DCDC1: variants seen among roughly 807,000 people sequenced by gnomAD.
DCDC1 encodes doublecortin domain-containing protein 1.
DCDC1 carries 200 observed loss-of-function variants against 178.3 expected under a neutral mutation model. That is an observed-to-expected ratio of 1.12 (90% CI 1.00 to 1.26). The LOEUF (loss-of-function observed/expected upper bound fraction) is 1.26, where lower values mean the gene tolerates loss of function less well. DCDC1 is among the 50% of genes most tolerant of loss of function. DCDC1 has a pLI of 0.00. For synonymous variants in DCDC1, 690 were observed against 604.8 expected, an observed-to-expected ratio of 1.14 and a Z score of -2.07; for missense variants, 1,983 against 1,749.2, an observed-to-expected ratio of 1.13 and a Z score of -2.38.
At chr11:31,111,474 C>T (rs1959174372) in intron 11 of DCDC1, among the ~76,000 whole-genome samples, 2 of 152,202 alleles carry the variant, frequency 1.3e-5, no homozygotes, top group South Asian at 2.1e-4. Context: ...CAGTCAGTGA[C>T]GTTCATTGAG....
intron 20 of DCDC1, among the ~76,000 whole-genome samples, chr11:30,974,137 T>C (rs539214566): frequency 2.6e-5 from 4 of 151,810 alleles, no homozygotes; most frequent in Non-Finnish European, 5.9e-5. Flanking sequence ...TGAATGACCA[T>C]TGGATCAAGG....
intron 9 of DCDC1, among the ~76,000 whole-genome samples, chr11:31,179,030 C>G (rs1263182032): frequency 6.6e-6 from 1 of 152,200 alleles, no homozygotes; most frequent in South Asian, 2.1e-4. Flanking sequence ...TTAGTAACTA[C>G]TTCTCAAAAG....
At chr11:31,116,825 C>T (rs1960033990) in intron 11 of DCDC1, among the ~76,000 whole-genome samples, 1 of 152,070 alleles carries the variant, frequency 6.6e-6, no homozygotes, top group Admixed American at 6.6e-5. Flanking sequence ...AAACAAATTA[C>T]ATAATTCTTA....
At chr11:31,028,899 T>C (rs531635799) in intron 20 of DCDC1, among the ~76,000 whole-genome samples, 3 of 152,026 alleles carry the variant, frequency 2.0e-5, no homozygotes, top group East Asian at 3.9e-4. Context: ...ATTTTGTTCA[T>C]AGCACTGTGC....
intron 25 of DCDC1, among the ~76,000 whole-genome samples, chr11:30,919,098 G>A (rs1946060529): frequency 6.6e-6 from 1 of 152,046 alleles, no homozygotes; most frequent in African/African-American, 2.4e-5. Context: ...AGATGATTTA[G>A]GATTATTTCA....
chr11:31,031,723 T>C (rs1953664285), intron 20 of DCDC1, among the ~76,000 whole-genome samples: 1 of 152,114 alleles, frequency 6.6e-6, no homozygotes, highest in African/African-American at 2.4e-5. Context: ...AATCATCACA[T>C]TATTAGGTTC....
At chr11:31,082,188 A>T (rs1377184774) in intron 17 of DCDC1, among the ~76,000 whole-genome samples, 1 of 152,232 alleles carries the variant, frequency 6.6e-6, no homozygotes, top group African/African-American at 2.4e-5. Flanking sequence ...ATATCATGAC[A>T]TACACTGAAC....
intron 11 of DCDC1, among the ~76,000 whole-genome samples, chr11:31,126,166 C>T (rs939264891): frequency 1.3e-5 from 2 of 152,138 alleles, no homozygotes; most frequent in African/African-American, 4.8e-5. Flanking sequence ...AAAGCAACTA[C>T]ACTTCCCCAT....
At chr11:31,252,689 G>A (rs1944128554) in intron 8 of DCDC1, among the ~76,000 whole-genome samples, 1 of 151,716 alleles carries the variant, frequency 6.6e-6, no homozygotes, top group African/African-American at 2.4e-5. Context: ...AAGAGGCTAG[G>A]GATATTTAAC....
At chr11:30,954,631 A>G (rs1948660409) in intron 20 of DCDC1, among the ~76,000 whole-genome samples, 1 of 152,228 alleles carries the variant, frequency 6.6e-6, no homozygotes. Context: ...GCAAGAGCAT[A>G]ATTATAATAG....
rs78010930 is a variant in DCDC1 at position 30,920,971 on chromosome 11, C to G, written c.3134-36G>C. On this transcript the variant is annotated intron_variant, in intron 24 of 38. Coordinates refer to ENST00000684477, the MANE Select transcript of DCDC1 (RefSeq NM_001387274.1). ...ATTCACAAATTGCAAAGACATATTA[C>G]TTACAATTGCAGAGCATCAGGAATT... is the stretch of plus-strand genomic sequence containing the variant. 9,279 of 1,575,166 alleles carry G rather than the reference C, an allele frequency of 5.9e-3. 417 individuals are homozygous for G. The African/African-American group carries it at 0.11, about 18-fold the overall frequency.
rs773562585 is a variant in DCDC1 at position 30,894,394 on chromosome 11, C to G, written c.4766-10G>C. The G allele has an allele frequency of 1.2e-6, 2 of 1,604,402 alleles. No homozygotes were observed. The highest frequency in any genetic ancestry group is 1.7e-6 in the Non-Finnish European group (2 of 1,177,274). ...GCCGCTACTCGCCGCCCTGAGGAAA[C>G]AAGTCTCTAGAAATTTTGTTTCTGA... On this transcript the variant is annotated splice_polypyrimidine_tract_variant and intron_variant, in intron 34 of 38. Transcript: ENST00000684477.
chr11:31,143,188 T>C, intron 9 of DCDC1, among the ~76,000 whole-genome samples: 1 of 152,138 alleles, frequency 6.6e-6, no homozygotes, highest in Non-Finnish European at 1.5e-5. Context: ...GATAGAAATA[T>C]CATTTAGAGA....
chr11:31,181,894 T>C (rs746793697), intron 9 of DCDC1, among the ~76,000 whole-genome samples: 5 of 152,164 alleles, frequency 3.3e-5, no homozygotes, highest in Admixed American at 3.3e-4. Context: ...GAAAAGAACA[T>C]ATATGGCCTG....
At chr11:31,221,693 T>C (rs1374777969) in intron 9 of DCDC1, among the ~76,000 whole-genome samples, 1 of 152,210 alleles carries the variant, frequency 6.6e-6, no homozygotes, top group East Asian at 1.9e-4. Context: ...AGATAGCTAA[T>C]TAAGTTTATG....
chr11:31,331,888 C>A (rs528101574), intron 2 of DCDC1, among the ~76,000 whole-genome samples: 1 of 152,164 alleles, frequency 6.6e-6, no homozygotes, highest in South Asian at 2.1e-4. Context: ...ATGATGCTGG[C>A]CTCATAAAAT....
chr11:31,037,185 T>G (rs1397855621), intron 20 of DCDC1, among the ~76,000 whole-genome samples: 7 of 152,168 alleles, frequency 4.6e-5, no homozygotes, highest in African/African-American at 1.7e-4. Context: ...CAGCCAGTGT[T>G]GCAGTAGGAT....
intron 31 of DCDC1, 110 bp downstream of exon 31, chr11:30,904,851 A>AG (rs1201698716): frequency 1.6e-6 from 2 of 1,276,450 alleles, no homozygotes; most frequent in African/African-American, 2.9e-5. Context: ...TTAACTGGTG[A>AG]ATCTGGCCAG....
Position 30,993,497 on chromosome 11 carries a change from T to C in DCDC1, c.2592-40929A>G, listed in dbSNP as rs150395813. Among the ~76,000 whole-genome samples, 556 of 151,976 alleles carry C rather than the reference T, an allele frequency of 3.7e-3. 4 individuals are homozygous for C. Among genetic ancestry groups the C allele is most frequent in the African/African-American group, 0.013 (531 of 41,462 alleles). ...AAGGTTAGAGCATAGGTCAATGAAATTGAAAACCAATGAACAACAGAGAAA... is the reference window on the plus strand; with the variant it reads ...AAGGTTAGAGCATAGGTCAATGAAACTGAAAACCAATGAACAACAGAGAAA... On this transcript the variant is annotated intron_variant, in intron 20 of 38. Transcript: ENST00000684477.
Sources: allele counts gnomAD v4.1 joint callset (sites outside exome capture counted in the v4.1 genomes callset), GRCh38; gene constraint gnomAD v4.1.1; transcripts MANE v1.5; gene names NCBI Gene and HGNC (gene_info 2026-07-23, HGNC 2026-07-21).